Variants in XPO6 observed in about 807,000 individuals in gnomAD.
XPO6 encodes the protein exportin-6.
In XPO6, 3 loss-of-function variants were observed where a neutral mutation model predicts 130.0. That is an observed-to-expected ratio of 0.02 (90% CI 0.01 to 0.06). The LOEUF is 0.06. XPO6 is among the 10% of genes least tolerant of loss of function. XPO6 has a pLI of 1.00. For missense variants in XPO6, 970 were observed against 1,393.0 expected, an observed-to-expected ratio of 0.70 and a Z score of 4.83; for synonymous variants, 524 against 548.9, an observed-to-expected ratio of 0.95 and a Z score of 0.63.
chr16:28,197,076 A>AC (rs1257860154), intron 1 of XPO6, among the ~76,000 whole-genome samples: 4 of 152,230 alleles, frequency 2.6e-5, no homozygotes, highest in African/African-American at 7.2e-5. Flanking sequence ...AAATGGTGAA[A>AC]CCCCGTCTCT....
chr16:28,112,874 G>C (rs556717534), intron 16 of XPO6, 30 bp downstream of exon 16: 30 of 1,604,394 alleles, frequency 1.9e-5, no homozygotes, highest in Non-Finnish European at 2.5e-5. Context: ...ACACAGCCCT[G>C]GGGACCCCGG....
chr16:28,098,964 C>G (rs2086592839), intron 23 of XPO6, among the ~76,000 whole-genome samples: 1 of 152,188 alleles, frequency 6.6e-6, no homozygotes, highest in African/African-American at 2.4e-5. Flanking sequence ...ACAGAAAGAC[C>G]AAAGCGCTGC....
At chr16:28,129,346 T>G (rs1175674888) in intron 12 of XPO6, among the ~76,000 whole-genome samples, 1 of 152,218 alleles carries the variant, frequency 6.6e-6, no homozygotes, top group African/African-American at 2.4e-5. Flanking sequence ...GATAGGCCAG[T>G]GTCCCACTGT....
intron 9 of XPO6, 64 bp downstream of exon 9, chr16:28,146,030 T>A (rs28379290): frequency 5.4e-6 from 7 of 1,292,704 alleles, no homozygotes; most frequent in Non-Finnish European, 7.9e-6. Context: ...CATGGCTGTC[T>A]CTTAGGCCAC....
At chr16:28,105,631 A>G (rs205361) in intron 20 of XPO6, 45,851 of 160,624 alleles carry the variant, frequency 0.29, 6,737 homozygotes, top group Middle Eastern at 0.33. Context: ...ATTTTCTAAG[A>G]AGGACAAAGG....
chr16:28,168,405 C>T (rs2043392364), intron 5 of XPO6, among the ~76,000 whole-genome samples: 1 of 151,998 alleles, frequency 6.6e-6, no homozygotes, highest in South Asian at 2.1e-4. Flanking sequence ...ATCGCTTAGG[C>T]CCCAAAATCT....
chr16:28,153,819 G>A (rs1017707992), intron 7 of XPO6: 26 of 985,338 alleles, frequency 2.6e-5, no homozygotes, highest in Middle Eastern at 1.0e-3. Context: ...TCAAAACAGA[G>A]ATATGTGAAA....
intron 8 of XPO6, among the ~76,000 whole-genome samples, chr16:28,152,074 A>ATGTGTGTGTG (rs71389527): frequency 3.8e-4 from 58 of 151,242 alleles, no homozygotes; most frequent in South Asian, 2.1e-3. Context: ...TATATTTTTT[A>ATGTGTGTGTG]TGTGTGTGTG....
intron 8 of XPO6, among the ~76,000 whole-genome samples, chr16:28,151,635 G>A (rs2043091772): frequency 1.3e-5 from 2 of 152,152 alleles, no homozygotes; most frequent in Non-Finnish European, 2.9e-5. Flanking sequence ...CTTAGGTGAT[G>A]GTTACATGCA....
In XPO6 at chr16:28,187,442, T is replaced by G. The variant is rs1046736735; in HGVS notation, c.4-6411A>C. Among the ~76,000 whole-genome samples, 5 of 152,124 alleles carry G rather than the reference T, an allele frequency of 3.3e-5. No individual in the cohort carries two copies. The East Asian group carries it at 9.6e-4, about 29-fold the overall frequency. ...GCTCTAGGGTCAGGTTCCCCAAGTTTGAATCCAAATGTGCAGCTTGACCTT... is the reference window on the plus strand; with the variant it reads ...GCTCTAGGGTCAGGTTCCCCAAGTTGGAATCCAAATGTGCAGCTTGACCTT... On this transcript the variant is annotated intron_variant, in intron 1 of 23. Coordinates refer to ENST00000304658, the MANE Select transcript of XPO6 (RefSeq NM_015171.4).
At chr16:28,204,471 C>T (rs2043998545) in intron 1 of XPO6, among the ~76,000 whole-genome samples, 1 of 151,768 alleles carries the variant, frequency 6.6e-6, no homozygotes, top group Non-Finnish European at 1.5e-5. Flanking sequence ...AGGAACATGC[C>T]CAGAAGGTCT....
chr16:28,099,849 C>A (rs1436860363), intron 23 of XPO6, among the ~76,000 whole-genome samples: 2 of 152,154 alleles, frequency 1.3e-5, no homozygotes, highest in Non-Finnish European at 2.9e-5. Flanking sequence ...GGTGGTGATT[C>A]TTTTATTTTA....
Position 28,156,234 on chromosome 16 carries a change from T to C in XPO6, c.937A>G (p.Met313Val). Reference protein sequence around the residue: ...QERGRLGVLAMSCINELMSKN... With the variant: ...QERGRLGVLAVSCINELMSKN... The stretch of plus-strand genomic sequence containing the variant: ...GACATGAGTTCATTGATGCAGGACA[T>C]GGCCAGGACCCCCAGCCGGCCGCGC... Residue 313 changes from methionine (M) to valine (V), a missense_variant, in exon 7 of 24, where the codon ATG becomes GTG. Transcript: ENST00000304658. The C allele has an allele frequency of 6.2e-7, 1 of 1,614,158 alleles. No homozygotes were observed. The highest frequency in any genetic ancestry group is 1.1e-5 in the South Asian group (1 of 91,084).
At chr16:28,138,598 C>A (rs2141774858) in intron 9 of XPO6, among the ~76,000 whole-genome samples, 1 of 152,256 alleles carries the variant, frequency 6.6e-6, no homozygotes, top group East Asian at 1.9e-4. Context: ...TGGTTGCCTG[C>A]CCAATACCCA....
rs959136960 is a variant in XPO6, at chr16:28,156,127, G to T, written c.1044C>A (p.Thr348=). 3.9e-5 allele frequency: 63 copies of T among 1,613,676 alleles called. No homozygotes were observed. The highest frequency in any genetic ancestry group is 5.2e-5 in the Non-Finnish European group (61 of 1,179,798). ...QQTFYLLQKI[T]KDNNAHTVKS... is the part of the protein sequence containing the mutation. Reference sequence around the variant, plus strand: ...TCACTGTGTGGGCATTGTTATCCTTGGTGATTTTCTGCAGGAGGTAGAAAG... The same window carrying T: ...TCACTGTGTGGGCATTGTTATCCTTTGTGATTTTCTGCAGGAGGTAGAAAG... The change falls in exon 7 of 24, where the codon ACC becomes ACA. Residue 348 remains threonine, a synonymous_variant. Transcript: ENST00000304658.
chr16:28,189,364 C>A (rs1162454663), intron 1 of XPO6, among the ~76,000 whole-genome samples: 1 of 151,768 alleles, frequency 6.6e-6, no homozygotes, highest in African/African-American at 2.4e-5. Flanking sequence ...CACAGTCTAG[C>A]AGTCAGCAGG....
rs554547648 is a variant in XPO6, at chr16:28,113,927, T to C, written c.2005-877A>G. ...ACATAAATTTATGGAAAGCAACACA[T>C]TGTTATTAAAACAATACACTGTTTA... On this transcript the variant is annotated intron_variant, in intron 15 of 23. Coordinates refer to ENST00000304658, the MANE Select transcript of XPO6 (RefSeq NM_015171.4). Among the ~76,000 whole-genome samples the C allele has an allele frequency of 4.6e-5, 7 of 152,282 alleles. No individual in the cohort carries two copies. The South Asian group carries it at 1.4e-3, about 32-fold the overall frequency.
At chr16:28,166,436 G>C (rs1204040245) in intron 6 of XPO6, 72 bp downstream of exon 6, 1 of 1,508,924 alleles carries the variant, frequency 6.6e-7, no homozygotes, top group Admixed American at 2.0e-5. Flanking sequence ...GAGGACTACA[G>C]TTGCAAATCA....
At chr16:28,153,229 C>T in intron 7 of XPO6, 1 of 994,446 alleles carries the variant, frequency 1.0e-6, no homozygotes, top group Non-Finnish European at 1.2e-6. Context: ...GGCATGGCAT[C>T]CAGGTAAGAT....
Sources: gnomAD v4.1 joint callset for allele counts (sites outside exome capture counted in the v4.1 genomes callset) on GRCh38, gnomAD v4.1.1 for gene constraint, MANE v1.5 for transcripts, NCBI Gene and HGNC (gene_info 2026-07-23, HGNC 2026-07-21) for gene names.